Variants in NRG1 observed in about 807,000 individuals in gnomAD.
The protein encoded by NRG1 is neuregulin 1.
Under a neutral mutation model 63.8 loss-of-function variants are expected in NRG1, and 18 were observed. The ratio of observed to expected loss-of-function variants is 0.28; its 90% CI spans 0.19 to 0.42. The LOEUF (loss-of-function observed/expected upper bound fraction) is 0.42, where lower values mean the gene tolerates loss of function less well. Ranked by LOEUF, NRG1 falls within the 10% of genes least tolerant of loss-of-function variation. The pLI is 1.00. For synonymous variants in NRG1, 302 were observed against 301.3 expected, an observed-to-expected ratio of 1.00 and a Z score of -0.02; for missense variants, 762 against 814.7, an observed-to-expected ratio of 0.94 and a Z score of 0.79.
intron 1 of NRG1, among the ~76,000 whole-genome samples, chr8:32,423,252 C>A (rs72612106): frequency 0.076 from 11,517 of 152,208 alleles, 1,204 homozygotes; most frequent in East Asian, 0.59. Context: ...ATTGAGGAGG[C>A]CTCACACTTC....
intron 1 of NRG1, among the ~76,000 whole-genome samples, chr8:32,489,010 G>A (rs1054267761): frequency 6.6e-6 from 1 of 152,180 alleles, no homozygotes. Context: ...CTTTAGAGCA[G>A]GAATGAAAAG....
intron 1 of NRG1, among the ~76,000 whole-genome samples, chr8:32,331,903 A>G (rs1412681062): frequency 6.6e-6 from 1 of 152,194 alleles, no homozygotes; most frequent in Non-Finnish European, 1.5e-5. Context: ...AGCTTGCTCA[A>G]TGAATGATGA....
At chr8:31,902,031 T>G (rs1832127900) in intron 1 of NRG1, among the ~76,000 whole-genome samples, 1 of 152,140 alleles carries the variant, frequency 6.6e-6, no homozygotes, top group Non-Finnish European at 1.5e-5. Flanking sequence ...TTACAGATAT[T>G]TATGTTGTAT....
Position 32,630,616 on chromosome 8 carries a change from C to CT in NRG1, c.502+13731_502+13732insT, listed in dbSNP as rs1281802845. ...TCAGTTTTGAGAAGCAGACTGCAAC[C>CT]ATAGCTTTTAGTTTAAGTTTCAGAT... is the stretch of plus-strand genomic sequence containing the variant. On this transcript the variant is annotated intron_variant, in intron 5 of 11. Coordinates refer to ENST00000356819, the Ensembl canonical transcript of NRG1. 2.0e-5 allele frequency among the ~76,000 whole-genome samples: 3 copies of CT among 152,108 alleles called. No homozygotes were observed. In the East Asian group the frequency reaches 5.8e-4, roughly 29 times the overall value.
chr8:32,092,563 G>A (rs1355386149), intron 1 of NRG1, among the ~76,000 whole-genome samples: 2 of 152,028 alleles, frequency 1.3e-5, no homozygotes, highest in Admixed American at 6.6e-5. Context: ...GCTCTTGGTT[G>A]CCATGGCAGA....
chr8:32,054,400 T>C (rs1822500273), intron 1 of NRG1, among the ~76,000 whole-genome samples: 1 of 152,134 alleles, frequency 6.6e-6, no homozygotes, highest in Non-Finnish European at 1.5e-5. Flanking sequence ...GCTTATTGAG[T>C]AAAAAGTCAA....
At chr8:32,056,368 G>A (rs563226967) in intron 1 of NRG1, among the ~76,000 whole-genome samples, 3 of 152,168 alleles carry the variant, frequency 2.0e-5, no homozygotes, top group African/African-American at 7.2e-5. Flanking sequence ...TTTAGTCGCT[G>A]TGACCAGTGT....
At chr8:32,736,378 A>T (rs1014361625) in intron 6 of NRG1, among the ~76,000 whole-genome samples, 6 of 152,174 alleles carry the variant, frequency 3.9e-5, no homozygotes, top group Non-Finnish European at 8.8e-5. Context: ...GAGGTGAGAA[A>T]AGTCAATGTT....
At chr8:32,407,025 C>G (rs1563419998) in intron 1 of NRG1, among the ~76,000 whole-genome samples, 1 of 151,470 alleles carries the variant, frequency 6.6e-6, no homozygotes, top group Non-Finnish European at 1.5e-5. Flanking sequence ...AGCTTTAGCC[C>G]TGGGGTCACA....
chr8:32,030,538 T>C (rs1293065097), intron 1 of NRG1: 1 of 152,178 alleles, frequency 6.6e-6, no homozygotes, highest in Non-Finnish European at 1.5e-5. Flanking sequence ...ATATGTGAAA[T>C]AAAATATTCA....
intron 1 of NRG1, among the ~76,000 whole-genome samples, chr8:31,777,022 G>A (rs1269463089): frequency 6.6e-6 from 1 of 152,064 alleles, no homozygotes; most frequent in Admixed American, 6.6e-5. Flanking sequence ...AGAAATACAC[G>A]TATGTTTATT....
intron 1 of NRG1, among the ~76,000 whole-genome samples, chr8:32,011,848 A>ACT (rs1814811761): frequency 6.6e-6 from 1 of 152,082 alleles, no homozygotes; most frequent in Admixed American, 6.6e-5. Context: ...TCACTATTTT[A>ACT]TTCATAGTTT....
downstream of NRG1, among the ~76,000 whole-genome samples, chr8:32,769,843 T>C (rs1831667231): frequency 6.6e-6 from 1 of 152,202 alleles, no homozygotes; most frequent in African/African-American, 2.4e-5. Flanking sequence ...CCTGGTACTA[T>C]AACTGTTCGT....
At chr8:31,964,989 AG>A (rs1409988830) in intron 1 of NRG1, among the ~76,000 whole-genome samples, 1 of 152,178 alleles carries the variant, frequency 6.6e-6, no homozygotes, top group Non-Finnish European at 1.5e-5. Context: ...ACAAGACAAA[AG>A]CTCCATCGTT....
At chr8:31,688,292 C>G (rs191631122) in intron 1 of NRG1, among the ~76,000 whole-genome samples, 2 of 152,198 alleles carry the variant, frequency 1.3e-5, no homozygotes, top group South Asian at 2.1e-4. Context: ...GGGTAAGGCT[C>G]TCATGATTGG....
At chr8:31,760,379 A>G (rs1329418757) in intron 1 of NRG1, among the ~76,000 whole-genome samples, 1 of 152,142 alleles carries the variant, frequency 6.6e-6, no homozygotes, top group Non-Finnish European at 1.5e-5. Context: ...ACCATTCAGG[A>G]CATAGGCATG....
chr8:32,387,601 T>C (rs1350889814), intron 1 of NRG1, among the ~76,000 whole-genome samples: 1 of 152,154 alleles, frequency 6.6e-6, no homozygotes, highest in African/African-American at 2.4e-5. Flanking sequence ...GATTAAGTAA[T>C]ATTTACCTAC....
intron 1 of NRG1, among the ~76,000 whole-genome samples, chr8:31,941,500 T>C (rs1254363206): frequency 6.6e-6 from 1 of 152,060 alleles, no homozygotes; most frequent in Non-Finnish European, 1.5e-5. Context: ...GGATGCCCAC[T>C]TTCACCACTT....
intron 5 of NRG1, among the ~76,000 whole-genome samples, chr8:32,707,944 A>G (rs1353063821): frequency 7.7e-6 from 1 of 130,672 alleles, no homozygotes; most frequent in South Asian, 2.5e-4. Context: ...TTATATGTAT[A>G]TGAAGTATTT....
Sources: gnomAD v4.1 joint callset for allele counts (sites outside exome capture counted in the v4.1 genomes callset) on GRCh38, gnomAD v4.1.1 for gene constraint, MANE v1.5 for transcripts, NCBI Gene and HGNC (gene_info 2026-07-23, HGNC 2026-07-21) for gene names.